Variants in DPP6 observed in about 807,000 individuals in gnomAD.
The protein encoded by DPP6 is A-type potassium channel modulatory protein DPP6.
A neutral mutation model predicts 122.6 loss-of-function variants in DPP6; 69 were observed. The observed-to-expected ratio is 0.56, with a 90% CI of 0.46 to 0.69. The LOEUF (loss-of-function observed/expected upper bound fraction) is 0.69. Among genes scored for constraint, DPP6 ranks in the 30% least tolerant of loss-of-function variants. The pLI, the probability that DPP6 is intolerant of heterozygous loss-of-function variation, is 0.00. For synonymous variants in DPP6, 418 were observed against 433.1 expected, an observed-to-expected ratio of 0.97 and a Z score of 0.43; for missense variants, 928 against 1,116.9, an observed-to-expected ratio of 0.83 and a Z score of 2.41.
At chr7:154,137,759 A>C (rs1795649416) in intron 1 of DPP6, among the ~76,000 whole-genome samples, 1 of 152,030 alleles carries the variant, frequency 6.6e-6, no homozygotes, top group Non-Finnish European at 1.5e-5. Context: ...GGGAATGATC[A>C]TGATCAGCTG....
the DPP6 span, among the ~76,000 whole-genome samples, chr7:153,764,791 T>G: frequency 6.6e-6 from 1 of 151,400 alleles, no homozygotes; most frequent in African/African-American, 2.4e-5. Context: ...CACTTCTGGC[T>G]TATGAGAAAC....
intron 1 of DPP6, among the ~76,000 whole-genome samples, chr7:154,286,303 G>A (rs989671420): frequency 6.6e-6 from 1 of 151,088 alleles, no homozygotes; most frequent in Non-Finnish European, 1.5e-5. Flanking sequence ...GTGTAGCCAC[G>A]AGCAAGATCA....
At chr7:154,259,118 C>G (rs1327164069) in intron 1 of DPP6, among the ~76,000 whole-genome samples, 1 of 152,166 alleles carries the variant, frequency 6.6e-6, no homozygotes, top group Non-Finnish European at 1.5e-5. Context: ...TGGTGTGCAG[C>G]CATGTGTTTT....
At chr7:154,791,594 G>A (rs185520000) in intron 10 of DPP6, among the ~76,000 whole-genome samples, 1 of 152,200 alleles carries the variant, frequency 6.6e-6, no homozygotes, top group African/African-American at 2.4e-5. Context: ...TTGCCGGGGG[G>A]ACATGGCCAA....
chr7:153,765,551 A>AAAC, the DPP6 span, among the ~76,000 whole-genome samples: 4 of 149,318 alleles, frequency 2.7e-5, no homozygotes, highest in African/African-American at 9.9e-5. Context: ...TAAAAAAACA[A>AAAC]AAAAAAAAAA....
intron 8 of DPP6, among the ~76,000 whole-genome samples, chr7:154,762,645 C>A (rs1178884239): frequency 6.6e-6 from 1 of 152,230 alleles, no homozygotes; most frequent in Non-Finnish European, 1.5e-5. Flanking sequence ...ACCGGCAGGG[C>A]TCAGTAGACC....
At chr7:153,834,199 A>C in the DPP6 span, among the ~76,000 whole-genome samples, 264 of 152,032 alleles carry the variant, frequency 1.7e-3, no homozygotes, top group African/African-American at 5.9e-3. Flanking sequence ...AGGCAGGAGA[A>C]TGGCTTGAAC....
chr7:154,083,006 G>T (rs1432536632), intron 1 of DPP6, among the ~76,000 whole-genome samples: 1 of 151,878 alleles, frequency 6.6e-6, no homozygotes, highest in Non-Finnish European at 1.5e-5. Context: ...CCGCCACCAT[G>T]CCCGGCTAAT....
At chr7:154,191,294 G>A (rs1442110502) in intron 1 of DPP6, among the ~76,000 whole-genome samples, 1 of 152,184 alleles carries the variant, frequency 6.6e-6, no homozygotes, top group Non-Finnish European at 1.5e-5. Context: ...GCTAATCATT[G>A]ACATTGAATA....
intron 8 of DPP6, among the ~76,000 whole-genome samples, chr7:154,736,986 G>A (rs962060217): frequency 4.6e-5 from 7 of 152,128 alleles, no homozygotes; most frequent in African/African-American, 1.4e-4. Context: ...TGAGTTTCAC[G>A]TTTTATCCCC....
chr7:154,361,634 T>A lies in DPP6; in HGVS notation c.244-84580T>A, dbSNP rs139790600. Among the ~76,000 whole-genome samples the A allele has an allele frequency of 5.6e-3, 790 of 140,200 alleles. 19 individuals are homozygous for A. Among genetic ancestry groups the A allele is most frequent in the East Asian group, 0.051 (248 of 4,826 alleles). 92.0% of individuals were successfully genotyped at this position (140,200 alleles called of 152,430 possible). On this transcript the variant is annotated intron_variant, in intron 1 of 25. Coordinates refer to ENST00000377770, the MANE Select transcript of DPP6 (RefSeq NM_130797.4). ...AAAAAAAAAAAAAAAAGAATTGGGG[T>A]CATAGGGACCAACATTGAGACACTG... is the stretch of plus-strand genomic sequence containing the variant.
At chr7:154,613,182 A>G (rs1477452678) in intron 5 of DPP6, among the ~76,000 whole-genome samples, 1 of 152,208 alleles carries the variant, frequency 6.6e-6, no homozygotes, top group African/African-American at 2.4e-5. Context: ...AGGTTTCAAC[A>G]TATGAATTCT....
At chr7:153,879,303 G>C in the DPP6 span, among the ~76,000 whole-genome samples, 2 of 152,164 alleles carry the variant, frequency 1.3e-5, no homozygotes, top group African/African-American at 2.4e-5. Context: ...GTGGATGCTG[G>C]GGGTAGAGGG....
At chr7:153,993,961 T>G (rs553341598) in intron 1 of DPP6, among the ~76,000 whole-genome samples, 27 of 152,348 alleles carry the variant, frequency 1.8e-4, no homozygotes, top group African/African-American at 6.0e-4. Flanking sequence ...TGATCAGGGA[T>G]ACTTCCTTAC....
intron 7 of DPP6, among the ~76,000 whole-genome samples, chr7:154,683,938 G>A (rs1005664148): frequency 6.6e-6 from 1 of 152,142 alleles, no homozygotes; most frequent in African/African-American, 2.4e-5. Flanking sequence ...GTGTGAGCAT[G>A]GCTCACTGCA....
intron 9 of DPP6, among the ~76,000 whole-genome samples, chr7:154,772,537 A>T (rs1336693995): frequency 6.7e-6 from 1 of 149,436 alleles, no homozygotes; most frequent in Non-Finnish European, 1.5e-5. Flanking sequence ...TTTCTCCCCC[A>T]CTCCTCTTCT....
intron 1 of DPP6, among the ~76,000 whole-genome samples, chr7:154,268,104 T>C (rs953354991): frequency 6.6e-6 from 1 of 152,120 alleles, no homozygotes; most frequent in African/African-American, 2.4e-5. Flanking sequence ...CTGAATTACC[T>C]TAACAGCTCC....
At chr7:154,659,446 C>A (rs1467646658) in intron 6 of DPP6, among the ~76,000 whole-genome samples, 1 of 152,342 alleles carries the variant, frequency 6.6e-6, no homozygotes, top group South Asian at 2.1e-4. Flanking sequence ...TATTATATTG[C>A]ATGGTCAAAT....
intron 1 of DPP6, among the ~76,000 whole-genome samples, chr7:154,120,607 T>G (rs1197637567): frequency 1.3e-5 from 2 of 151,920 alleles, no homozygotes; most frequent in African/African-American, 2.4e-5. Flanking sequence ...AATTAAAGAG[T>G]TGATTAAAGT....
Sources: allele counts gnomAD v4.1 joint callset (sites outside exome capture counted in the v4.1 genomes callset), GRCh38; gene constraint gnomAD v4.1.1; transcripts MANE v1.5; gene names NCBI Gene and HGNC (gene_info 2026-07-23, HGNC 2026-07-21).